Variants in RYK observed in about 807,000 individuals in gnomAD.
RYK encodes receptor like tyrosine kinase.
A neutral mutation model predicts 70.2 loss-of-function variants in RYK; 21 were observed. The observed-to-expected ratio is 0.30, with a 90% CI of 0.21 to 0.43. RYK has a LOEUF of 0.43. Among genes scored for constraint, RYK ranks in the 20% least tolerant of loss-of-function variants. The probability of loss-of-function intolerance (pLI) is 1.00; values close to 1 mark genes in which losing one functional copy is unlikely to be tolerated. For synonymous variants in RYK, 267 were observed against 278.0 expected (o/e 0.96, Z 0.39); for missense variants, 604 against 753.3 (o/e 0.80, Z 2.32).
chr3:134,177,256 G>A (rs2013137331), intron 11 of RYK, among the ~76,000 whole-genome samples: 2 of 152,060 alleles, frequency 1.3e-5, no homozygotes, highest in Non-Finnish European at 2.9e-5. Context: ...AATTTACAAA[G>A]CATATGATAC....
chr3:134,158,207 C>T lies in RYK; in HGVS notation c.1770G>A (p.Gln590=). ...ACTCTGTTAGGCACTGTACCAGCTGCTGAAACTTGGGCCTCTCCTCTGGAT... is the reference window on the plus strand; with the variant it reads ...ACTCTGTTAGGCACTGTACCAGCTGTTGAAACTTGGGCCTCTCCTCTGGAT... ...ALDPEERPKF[Q]QLVQCLTEFH... Residue 590 remains glutamine (Q), a synonymous_variant, in exon 15 of 15, where the codon CAG becomes CAA. Transcript: ENST00000623711. 6.3e-7 allele frequency: 1 copy of T among 1,577,628 alleles called. No homozygotes were observed. The highest frequency in any genetic ancestry group is 8.6e-7 in the Non-Finnish European group (1 of 1,160,134).
chr3:134,189,019 A>C, intron 8 of RYK, 96 bp from the exon 9 acceptor site: 1 of 709,410 alleles, frequency 1.4e-6, no homozygotes, highest in Non-Finnish European at 2.3e-6. Context: ...CAAAAATAAC[A>C]AGGTCATATG....
intron 4 of RYK, among the ~76,000 whole-genome samples, chr3:134,208,129 C>T (rs957618173): frequency 2.0e-5 from 3 of 152,102 alleles, no homozygotes; most frequent in East Asian, 3.8e-4. Flanking sequence ...AAAATTACTC[C>T]AACACAGAAT....
intron 4 of RYK, among the ~76,000 whole-genome samples, chr3:134,208,213 T>C (rs1359780365): frequency 6.6e-6 from 1 of 152,212 alleles, no homozygotes; most frequent in Non-Finnish European, 1.5e-5. Context: ...CAGCTGATCA[T>C]TAACCTTAGC....
Position 134,207,471 on chromosome 3 carries a change from C to T in RYK, c.643+1G>A. The T allele has an allele frequency of 1.3e-6, 2 of 1,529,870 alleles. No individual in the cohort carries two copies. The highest frequency in any genetic ancestry group is 1.8e-6 in the Non-Finnish European group (2 of 1,132,332). 94.8% of individuals were successfully genotyped at this position (1,529,870 alleles called of 1,614,324 possible). A position where few individuals can be genotyped will look rare whatever the true frequency, so the allele number is the denominator to read the frequency against. On this transcript the variant is annotated splice_donor_variant, in intron 5 of 14. Transcript: ENST00000623711. LOFTEE classifies it high-confidence loss of function. ...GATAAAGATAATACAGTAACACTTA[C>T]AAATAGTTCTGCTAGTGTTTTTGTC...
At chr3:134,176,827 G>A (rs1301006679) in intron 11 of RYK, among the ~76,000 whole-genome samples, 1 of 151,998 alleles carries the variant, frequency 6.6e-6, no homozygotes, top group Non-Finnish European at 1.5e-5. Flanking sequence ...GAGGCAGGCA[G>A]ATCACGAGGT....
intron 13 of RYK, among the ~76,000 whole-genome samples, chr3:134,175,343 T>TA (rs75907041): frequency 0.011 from 1,413 of 128,878 alleles, 13 homozygotes; most frequent in African/African-American, 0.028. Context: ...AACTCTGTCT[T>TA]AAAAAAAAAA....
chr3:134,159,419 G>A (rs1171257270), intron 13 of RYK, 46 bp from the exon 14 acceptor site: 1 of 1,528,484 alleles, frequency 6.5e-7, no homozygotes, highest in Non-Finnish European at 8.8e-7. Flanking sequence ...TAAAACAACA[G>A]TCAGGGGGCT....
At chr3:134,190,366 C>T (rs1032851011) in intron 8 of RYK, among the ~76,000 whole-genome samples, 7 of 152,058 alleles carry the variant, frequency 4.6e-5, no homozygotes, top group Non-Finnish European at 1.0e-4. Context: ...TTAAATATTA[C>T]TCTCAAACAC....
chr3:134,222,622 G>T, intron 1 of RYK, 83 bp from the exon 2 acceptor site: 1 of 1,202,862 alleles, frequency 8.3e-7, no homozygotes, highest in Non-Finnish European at 1.2e-6. Flanking sequence ...TACAAATAGA[G>T]TGAAGATAAT....
chr3:134,215,919 C>T (rs1274135719), intron 2 of RYK, among the ~76,000 whole-genome samples: 1 of 151,814 alleles, frequency 6.6e-6, no homozygotes, highest in East Asian at 1.9e-4. Flanking sequence ...GCACATGCTA[C>T]TCGGCTACTC....
chr3:134,162,286 A>T (rs2012502381), intron 13 of RYK, among the ~76,000 whole-genome samples: 1 of 149,388 alleles, frequency 6.7e-6, no homozygotes. Context: ...CCCATTACAC[A>T]CCCAACCCTA....
At chr3:134,189,853 T>C (rs1288828588) in intron 8 of RYK, among the ~76,000 whole-genome samples, 1 of 152,118 alleles carries the variant, frequency 6.6e-6, no homozygotes. Flanking sequence ...CTAGATTTTA[T>C]TACCAATTTT....
chr3:134,206,159 T>C (rs900958501), intron 5 of RYK, among the ~76,000 whole-genome samples: 1 of 152,204 alleles, frequency 6.6e-6, no homozygotes. Context: ...CACATTATTT[T>C]ACAGGCAAAA....
intron 1 of RYK, among the ~76,000 whole-genome samples, chr3:134,246,372 T>TA (rs2015468706): frequency 1.4e-5 from 1 of 69,052 alleles, no homozygotes; most frequent in African/African-American, 4.7e-5. Flanking sequence ...GGGTGGGAAT[T>TA]ATTAAAAAAA....
rs547035225 is a variant in RYK, at chr3:134,237,411, T to C, written c.232+13012A>G. ...CTCACAAACAAGGCTGGGGTCTTAG[T>C]TTACTTGTAACTACTTAAATATTAG... On this transcript the variant is annotated intron_variant, in intron 1 of 14. Transcript: ENST00000623711. 4.6e-5 allele frequency among the ~76,000 whole-genome samples: 7 copies of C among 152,312 alleles called. No individual in the cohort carries two copies. The South Asian group carries it at 1.2e-3, about 27-fold the overall frequency.
chr3:134,249,720 T>C (rs755933678), intron 1 of RYK, among the ~76,000 whole-genome samples: 1 of 152,032 alleles, frequency 6.6e-6, no homozygotes, highest in Non-Finnish European at 1.5e-5. Flanking sequence ...GGCCCAGAAG[T>C]ACAGAGTCAG....
chr3:134,204,591 C>CCACAGCCACACA (rs58130864), intron 5 of RYK, among the ~76,000 whole-genome samples: 8,591 of 140,632 alleles, frequency 0.061, 409 homozygotes, highest in East Asian at 0.26. Context: ...ACAGCCACAG[C>CCACAGCCACACA]CACACACACA....
At position 134,250,388 on chromosome 3, in the gene RYK, G is replaced by A. The variant is rs551319426; in HGVS notation, c.232+35C>T. The A allele has an allele frequency of 2.4e-5, 32 of 1,333,832 alleles. No homozygotes were observed. In the African/African-American group the frequency reaches 3.4e-4, roughly 14 times the overall value. 82.6% of individuals were successfully genotyped at this position (1,333,832 alleles called of 1,614,324 possible). A position where few individuals can be genotyped will look rare whatever the true frequency, so the allele number is the denominator to read the frequency against. ...GGCCGGAAGCTGCCCCAGCCGGCCCGACCTGCCCGCCCCGGCCTCGGCGGC... is the reference window on the plus strand; with the variant it reads ...GGCCGGAAGCTGCCCCAGCCGGCCCAACCTGCCCGCCCCGGCCTCGGCGGC... On this transcript the variant is annotated intron_variant, in intron 1 of 14. Coordinates refer to ENST00000623711, the MANE Select transcript of RYK (RefSeq NM_002958.4).
Sources: allele counts gnomAD v4.1 joint callset (sites outside exome capture counted in the v4.1 genomes callset), GRCh38; gene constraint gnomAD v4.1.1; transcripts MANE v1.5; gene names NCBI Gene and HGNC (gene_info 2026-07-23, HGNC 2026-07-21).